Variants in MICAL3 observed in about 807,000 individuals in gnomAD.
MICAL3 encodes the protein microtubule associated monooxygenase, calponin and LIM domain containing 3, also known as [F-actin]-monooxygenase MICAL3.
In MICAL3, 62 loss-of-function variants were observed where a neutral mutation model predicts 207.4. The observed-to-expected ratio is 0.30, with a 90% CI of 0.24 to 0.37. The LOEUF (loss-of-function observed/expected upper bound fraction) is 0.37, where lower values mean the gene tolerates loss of function less well. Ranked by LOEUF, MICAL3 falls within the 10% of genes least tolerant of loss-of-function variation. The pLI is 1.00. For missense variants in MICAL3, 2,368 were observed against 2,635.6 expected (o/e 0.90, Z 2.22); for synonymous variants, 1,077 against 1,069.3 (o/e 1.01, Z -0.14).
chr22:17,845,284 C>T (rs1285974126), intron 19 of MICAL3, among the ~76,000 whole-genome samples: 2 of 152,112 alleles, frequency 1.3e-5, no homozygotes, highest in Non-Finnish European at 2.9e-5. Context: ...GTAGAGTGAA[C>T]GAAACTTGGG....
intron 1 of MICAL3, among the ~76,000 whole-genome samples, chr22:18,008,572 C>T (rs986889357): frequency 2.6e-5 from 4 of 152,164 alleles, no homozygotes; most frequent in Non-Finnish European, 4.4e-5. Context: ...CTCTTCTACA[C>T]GAAGGGACTG....
At chr22:17,910,808 C>T (rs1009982992) in intron 1 of MICAL3, among the ~76,000 whole-genome samples, 4 of 152,218 alleles carry the variant, frequency 2.6e-5, no homozygotes, top group Non-Finnish European at 5.9e-5. Flanking sequence ...CAGAGCAGGG[C>T]TATTTCTGTT....
At chr22:17,794,376 A>AGAT (rs2061854450) in intron 29 of MICAL3, among the ~76,000 whole-genome samples, 1 of 152,252 alleles carries the variant, frequency 6.6e-6, no homozygotes, top group Non-Finnish European at 1.5e-5. Flanking sequence ...GAATCCTCTA[A>AGAT]GATGTCACCA....
At chr22:17,808,118 CTG>C (rs1237201157) in intron 29 of MICAL3, among the ~76,000 whole-genome samples, 1 of 152,274 alleles carries the variant, frequency 6.6e-6, no homozygotes, top group Non-Finnish European at 1.5e-5. Flanking sequence ...CTTGCATTCT[CTG>C]TGCCCAACTA....
intron 1 of MICAL3, among the ~76,000 whole-genome samples, chr22:17,945,253 C>T (rs915693288): frequency 2.7e-4 from 41 of 152,226 alleles, no homozygotes; most frequent in African/African-American, 9.2e-4. Flanking sequence ...TCAGCCTAGC[C>T]GGTGGTGGTG....
intron 16 of MICAL3, among the ~76,000 whole-genome samples, chr22:17,877,138 A>C (rs1488197938): frequency 1.4e-5 from 2 of 143,638 alleles, no homozygotes; most frequent in African/African-American, 2.8e-5. Flanking sequence ...GAGGTTAGGG[A>C]GGTTATGGAG....
intron 28 of MICAL3, 76 bp from the exon 29 acceptor site, chr22:17,809,013 C>A (rs938076703): frequency 7.0e-6 from 9 of 1,283,744 alleles, no homozygotes; most frequent in East Asian, 2.5e-5. Context: ...CACACCCACA[C>A]GAGGGGAAAC....
intron 1 of MICAL3, among the ~76,000 whole-genome samples, chr22:18,012,284 G>T (rs972664554): frequency 3.9e-5 from 6 of 152,152 alleles, no homozygotes; most frequent in Admixed American, 3.3e-4. Flanking sequence ...TTCCTGAAAA[G>T]CTTCACTTCC....
chr22:17,818,900 G>C lies in MICAL3; in HGVS notation c.3761C>G (p.Pro1254Arg). ...GGAGCAGATGGGGAGTGGGCTGGGTGGGGGCGTGGAGGCCGCCACGGGTGG... is the reference window on the plus strand; with the variant it reads ...GGAGCAGATGGGGAGTGGGCTGGGTCGGGGCGTGGAGGCCGCCACGGGTGG... ...PQPPVAASTP[P>R]PSPLPICSQP... Residue 1254 changes from proline (P) to arginine (R), a missense_variant, in exon 26 of 32, where the codon CCA becomes CGA. Physicochemically the swap from Pro to Arg is moderately radical, Grantham distance 103. This residue lies in a region of MICAL3 where 1,770 missense variants were observed against 1,863.2 expected (regional missense o/e 0.95). Coordinates refer to ENST00000441493, the MANE Select transcript of MICAL3 (RefSeq NM_015241.3). 1.3e-6 allele frequency: 2 copies of C among 1,561,938 alleles called. No homozygotes were observed. The highest frequency in any genetic ancestry group is 1.7e-4 in the Middle Eastern group (1 of 5,722).
At chr22:17,907,339 T>G (rs1931812136) in intron 1 of MICAL3, among the ~76,000 whole-genome samples, 1 of 151,952 alleles carries the variant, frequency 6.6e-6, no homozygotes. Context: ...CAGGCCTGAG[T>G]GACTCGTACA....
intron 21 of MICAL3, among the ~76,000 whole-genome samples, 153 bp from the exon 22 acceptor site, chr22:17,827,934 T>TATAC (rs1922372903): frequency 6.6e-6 from 1 of 150,810 alleles, no homozygotes; most frequent in Non-Finnish European, 1.5e-5. Flanking sequence ...TGCACATGTA[T>TATAC]ACACACACAC....
At chr22:17,989,120 C>T (rs1056272999) in intron 1 of MICAL3, among the ~76,000 whole-genome samples, 9 of 152,156 alleles carry the variant, frequency 5.9e-5, no homozygotes, top group African/African-American at 1.9e-4. Flanking sequence ...GCAGGTTCCC[C>T]GATGCCCATA....
At chr22:17,827,130 A>G (rs147963804) in intron 22 of MICAL3, among the ~76,000 whole-genome samples, 1 of 152,298 alleles carries the variant, frequency 6.6e-6, no homozygotes, top group Non-Finnish European at 1.5e-5. Context: ...AATAAGGTTC[A>G]TCTTCATCCT....
chr22:17,904,931 C>T, intron 2 of MICAL3, 92 bp from the exon 3 acceptor site: 1 of 966,846 alleles, frequency 1.0e-6, no homozygotes, highest in Non-Finnish European at 1.6e-6. Flanking sequence ...CTCCCTAAAG[C>T]CCCGAAATAG....
intron 17 of MICAL3, among the ~76,000 whole-genome samples, chr22:17,870,434 T>G (rs1389146533): frequency 6.6e-6 from 1 of 152,176 alleles, no homozygotes; most frequent in African/African-American, 2.4e-5. Context: ...ATGGGTCTCA[T>G]CCCCATAGGA....
In MICAL3 at chr22:17,790,876, C is replaced by G; in HGVS notation, c.5865G>C (p.Gln1955His). 1 of 1,613,908 alleles carries G rather than the reference C, an allele frequency of 6.2e-7. No homozygotes were observed. The highest frequency in any genetic ancestry group is 8.5e-7 in the Non-Finnish European group (1 of 1,179,910). ...CCACCTCCAGCATCTCATTGAGAATCTGCTTCTCTTCTGACAGCTCCTCCT... is the reference window on the plus strand; with the variant it reads ...CCACCTCCAGCATCTCATTGAGAATGTGCTTCTCTTCTGACAGCTCCTCCT... ...KTEEELSEEK[Q>H]ILNEMLEVVE... is the part of the protein sequence containing the mutation. Residue 1955 changes from glutamine to histidine, a missense_variant, in exon 32 of 32, where the codon CAG becomes CAC. This residue lies in a region of MICAL3 where 1,770 missense variants were observed against 1,863.2 expected (regional missense o/e 0.95). Coordinates refer to ENST00000441493, the MANE Select transcript of MICAL3 (RefSeq NM_015241.3).
chr22:17,931,970 T>G (rs1339643131), intron 1 of MICAL3, among the ~76,000 whole-genome samples: 1 of 152,178 alleles, frequency 6.6e-6, no homozygotes, highest in Non-Finnish European at 1.5e-5. Context: ...GTGCCTGCCC[T>G]TGGGGAGCTT....
intron 19 of MICAL3, among the ~76,000 whole-genome samples, chr22:17,853,438 G>A (rs532744318): frequency 4.6e-5 from 7 of 152,316 alleles, no homozygotes; most frequent in Admixed American, 1.3e-4. Flanking sequence ...AGGGAGGCCC[G>A]TACACAGCCA....
At chr22:17,876,828 ATGG>A (rs1928501556) in intron 16 of MICAL3, 1 of 137,822 alleles carries the variant, frequency 7.3e-6, no homozygotes, top group Non-Finnish European at 1.6e-5. Context: ...TAGGGAGGTT[ATGG>A]AGGTTAGGGA....
Sources: allele counts gnomAD v4.1 joint callset (sites outside exome capture counted in the v4.1 genomes callset), GRCh38; gene constraint gnomAD v4.1.1; regional missense constraint gnomAD v4.1.1; transcripts MANE v1.5; gene names NCBI Gene and HGNC (gene_info 2026-07-23, HGNC 2026-07-21).